IQCM: variants seen among roughly 807,000 people sequenced by gnomAD.
IQCM encodes IQ domain-containing protein M.
IQCM carries 45 observed loss-of-function variants against 57.6 expected under a neutral mutation model. That is an observed-to-expected ratio of 0.78 (90% CI 0.62 to 1.00). IQCM has a LOEUF of 1.00. Ranked by LOEUF, IQCM falls within the 50% of genes least tolerant of loss-of-function variation. The pLI is 0.00. For synonymous variants in IQCM, 148 were observed against 158.9 expected, an observed-to-expected ratio of 0.93 and a Z score of 0.51; for missense variants, 468 against 511.6, an observed-to-expected ratio of 0.91 and a Z score of 0.82.
intron 8 of IQCM, among the ~76,000 whole-genome samples, chr4:149,605,948 T>C (rs1230886052): frequency 6.6e-6 from 1 of 152,164 alleles, no homozygotes; most frequent in African/African-American, 2.4e-5. Context: ...AACCCCTGAT[T>C]CCAGGCCTTT....
At chr4:149,461,620 C>T (rs1330468554) in intron 12 of IQCM, among the ~76,000 whole-genome samples, 4 of 147,162 alleles carry the variant, frequency 2.7e-5, no homozygotes, top group Non-Finnish European at 4.5e-5. Context: ...TGCCACTGTA[C>T]TCCAGTCTGG....
intron 9 of IQCM, among the ~76,000 whole-genome samples, chr4:149,584,373 T>C (rs1752473359): frequency 6.6e-6 from 1 of 151,704 alleles, no homozygotes; most frequent in Admixed American, 6.6e-5. Flanking sequence ...AATTTTGTTT[T>C]ATAAGTTTTC....
chr4:149,529,198 G>T (rs574003520), intron 12 of IQCM, among the ~76,000 whole-genome samples: 6 of 152,098 alleles, frequency 3.9e-5, no homozygotes, highest in African/African-American at 9.6e-5. Context: ...CAAGTAGCTG[G>T]GATTACAAGC....
At position 149,764,552 on chromosome 4, in the gene IQCM, G is replaced by T. The variant is rs1199610440; in HGVS notation, c.-48-21813C>A. ...GAGAGTATTTAAGCATCACCGTCTG[G>T]CCCCTCTTTAAGTTCACATTTTGTA... On this transcript the variant is annotated intron_variant, in intron 2 of 13. Coordinates refer to ENST00000636793, the MANE Select transcript of IQCM (RefSeq NM_001363507.2). Among the ~76,000 whole-genome samples the T allele has an allele frequency of 2.0e-5, 3 of 152,086 alleles. No individual in the cohort carries two copies. In the East Asian group the frequency reaches 5.8e-4, roughly 29 times the overall value.
intron 7 of IQCM, among the ~76,000 whole-genome samples, chr4:149,662,346 T>G (rs1760297921): frequency 6.6e-6 from 1 of 152,052 alleles, no homozygotes; most frequent in Admixed American, 6.5e-5. Context: ...GAAACTTGTT[T>G]TGTAGCTTAA....
chr4:149,717,067 T>A (rs1227487844), intron 5 of IQCM, among the ~76,000 whole-genome samples: 1 of 152,192 alleles, frequency 6.6e-6, no homozygotes, highest in Non-Finnish European at 1.5e-5. Context: ...TTCATTTACA[T>A]CTTTTATTAT....
chr4:149,431,183 C>T (rs1023505149), intron 13 of IQCM, among the ~76,000 whole-genome samples: 3 of 151,646 alleles, frequency 2.0e-5, no homozygotes, highest in African/African-American at 7.3e-5. Flanking sequence ...CCAGTCTGGG[C>T]TACAAAGTGA....
intron 8 of IQCM, among the ~76,000 whole-genome samples, chr4:149,601,041 T>C (rs945212949): frequency 2.6e-5 from 4 of 152,174 alleles, no homozygotes; most frequent in Non-Finnish European, 4.4e-5. Flanking sequence ...ACTTCAGGTA[T>C]TTATCAGGAA....
chr4:149,396,171 A>G (rs1189464716), intron 13 of IQCM, among the ~76,000 whole-genome samples: 1 of 151,936 alleles, frequency 6.6e-6, no homozygotes, highest in Non-Finnish European at 1.5e-5. Context: ...TACCTGCATC[A>G]TCAGGTGGTC....
intron 2 of IQCM, among the ~76,000 whole-genome samples, chr4:149,809,587 T>C (rs1204694321): frequency 1.3e-5 from 2 of 152,240 alleles, no homozygotes; most frequent in African/African-American, 4.8e-5. Context: ...TATCAAACTT[T>C]AGTAATTTCA....
At chr4:149,410,809 T>C (rs1733330826) in intron 13 of IQCM, among the ~76,000 whole-genome samples, 1 of 152,116 alleles carries the variant, frequency 6.6e-6, no homozygotes, top group African/African-American at 2.4e-5. Context: ...ATGTTAGTGC[T>C]GGCCAATAGT....
intron 13 of IQCM, among the ~76,000 whole-genome samples, chr4:149,393,229 A>G (rs1644461484): frequency 1.3e-5 from 2 of 152,114 alleles, no homozygotes; most frequent in African/African-American, 4.8e-5. Context: ...AATATCAGGC[A>G]ATGTGAAATA....
chr4:149,494,918 G>A (rs1241930357), intron 12 of IQCM, among the ~76,000 whole-genome samples: 3 of 152,094 alleles, frequency 2.0e-5, no homozygotes, highest in Non-Finnish European at 4.4e-5. Context: ...TGGGTTGTAT[G>A]GGGCCAAAGT....
chr4:149,737,440 T>C (rs1202635871), intron 3 of IQCM, among the ~76,000 whole-genome samples: 1 of 152,222 alleles, frequency 6.6e-6, no homozygotes, highest in African/African-American at 2.4e-5. Flanking sequence ...AAAATATTAA[T>C]GGTAAGAACT....
chr4:149,811,448 A>G (rs1774557645), intron 2 of IQCM, among the ~76,000 whole-genome samples: 1 of 152,228 alleles, frequency 6.6e-6, no homozygotes, highest in African/African-American at 2.4e-5. Context: ...TATTAAAACA[A>G]AAAACAAATT....
At chr4:149,362,501 A>G (rs935053177) in intron 13 of IQCM, among the ~76,000 whole-genome samples, 1 of 152,048 alleles carries the variant, frequency 6.6e-6, no homozygotes, top group African/African-American at 2.4e-5. Context: ...TGCTATTCTC[A>G]TGATAGTAAA....
At chr4:149,489,471 ATAAGCTAATTGCT>A (rs1741861916) in intron 12 of IQCM, among the ~76,000 whole-genome samples, 1 of 152,106 alleles carries the variant, frequency 6.6e-6, no homozygotes, top group South Asian at 2.1e-4. Context: ...GCTACAGTAT[ATAAGCTAATTGCT>A]AGGATAAAAC....
intron 7 of IQCM, among the ~76,000 whole-genome samples, chr4:149,665,458 C>T (rs1243146214): frequency 1.3e-5 from 2 of 152,176 alleles, no homozygotes; most frequent in African/African-American, 4.8e-5. Flanking sequence ...ACTCACTCAC[C>T]TTTCTATGGT....
At chr4:149,606,428 C>A (rs1164988094) in intron 8 of IQCM, among the ~76,000 whole-genome samples, 1 of 152,074 alleles carries the variant, frequency 6.6e-6, no homozygotes, top group Non-Finnish European at 1.5e-5. Flanking sequence ...AAGGCCCTCT[C>A]AAGAAGTATG....
Sources: gnomAD v4.1 joint callset for allele counts (sites outside exome capture counted in the v4.1 genomes callset) on GRCh38, gnomAD v4.1.1 for gene constraint, MANE v1.5 for transcripts, NCBI Gene and HGNC (gene_info 2026-07-23, HGNC 2026-07-21) for gene names.